The following SLC24A4 variants were observed in gnomAD, a reference collection of about 807,000 sequenced individuals.
The protein encoded by SLC24A4 is sodium/potassium/calcium exchanger 4.
Under a neutral mutation model 79.0 loss-of-function variants are expected in SLC24A4, and 53 were observed. The observed-to-expected ratio is 0.67, with a 90% confidence interval of 0.54 to 0.84. The LOEUF is 0.84. Ranked by LOEUF, SLC24A4 falls within the 40% of genes least tolerant of loss-of-function variation. The pLI is 0.00. For missense variants in SLC24A4, 731 were observed against 822.0 expected (o/e 0.89, Z 1.35); for synonymous variants, 323 against 323.8 (o/e 1.00, Z 0.03).
At chr14:92,429,739 C>G (rs993935636) in intron 2 of SLC24A4, among the ~76,000 whole-genome samples, 1 of 152,184 alleles carries the variant, frequency 6.6e-6, no homozygotes, top group Non-Finnish European at 1.5e-5. Flanking sequence ...GGCTTCCAAG[C>G]TGGGTTCTTC....
At chr14:92,348,982 G>A (rs552172130) in intron 2 of SLC24A4, among the ~76,000 whole-genome samples, 11 of 152,062 alleles carry the variant, frequency 7.2e-5, no homozygotes, top group African/African-American at 2.7e-4. Context: ...TTACCAGCTC[G>A]CAGGGAGGCA....
chr14:92,378,027 T>A (rs951601296), intron 2 of SLC24A4, among the ~76,000 whole-genome samples: 1 of 152,066 alleles, frequency 6.6e-6, no homozygotes, highest in Admixed American at 6.6e-5. Context: ...GGAGGGTTTG[T>A]CTAGCACGGG....
Position 92,491,857 on chromosome 14 carries a change from G to A in SLC24A4, c.1650+80G>A, listed in dbSNP as rs1157792016. ...GGCCCAGTTCCAGCCAGAGGCTCTAGGAGACGACCTCCTCCTCTCCTTGGC... is the reference window on the plus strand; with the variant it reads ...GGCCCAGTTCCAGCCAGAGGCTCTAAGAGACGACCTCCTCCTCTCCTTGGC... On this transcript the variant is annotated intron_variant, in intron 15 of 16. Transcript: ENST00000532405. 5.4e-6 allele frequency: 6 copies of A among 1,111,972 alleles called. No homozygotes were observed. In the African/African-American group the frequency reaches 6.1e-5, roughly 11 times the overall value. 68.9% of individuals were successfully genotyped at this position (1,111,972 alleles called of 1,614,324 possible).
chr14:92,397,657 G>C (rs977508402), intron 2 of SLC24A4, among the ~76,000 whole-genome samples: 1 of 152,198 alleles, frequency 6.6e-6, no homozygotes, highest in Non-Finnish European at 1.5e-5. Context: ...GATGTGGCCA[G>C]TGTGAGAGCA....
chr14:92,440,018 C>G (rs1029914443), intron 4 of SLC24A4, among the ~76,000 whole-genome samples: 1 of 152,184 alleles, frequency 6.6e-6, no homozygotes, highest in South Asian at 2.1e-4. Context: ...TGTGGAGTGC[C>G]CAGGGCTTTA....
intron 2 of SLC24A4, among the ~76,000 whole-genome samples, chr14:92,372,955 CT>C: frequency 1.4e-5 from 2 of 143,496 alleles, no homozygotes; most frequent in African/African-American, 2.6e-5. Context: ...CTCTCTCTCT[CT>C]CCCTCTCTCT....
At position 92,356,632 on chromosome 14, in the gene SLC24A4, C is replaced by T. The variant is rs1887194716; in HGVS notation, c.241+30654C>T. On this transcript the variant is annotated intron_variant, in intron 2 of 16. Transcript: ENST00000532405. ...GTTGTAAGGATTAGAGGAATTAATA[C>T]ATGTAAGTCACATGGCGCAGTGGCT... Among the ~76,000 whole-genome samples the T allele has an allele frequency of 2.0e-5, 3 of 152,212 alleles. No homozygotes were observed. The South Asian group carries it at 6.2e-4, about 32-fold the overall frequency.
intron 2 of SLC24A4, among the ~76,000 whole-genome samples, chr14:92,373,889 A>G (rs1304104386): frequency 6.6e-6 from 1 of 152,114 alleles, no homozygotes; most frequent in African/African-American, 2.4e-5. Context: ...ACAATTGTCA[A>G]CTTGTGGCCA....
chr14:92,400,417 G>A (rs1215910166), intron 2 of SLC24A4, among the ~76,000 whole-genome samples: 8 of 135,502 alleles, frequency 5.9e-5, no homozygotes, highest in Admixed American at 5.7e-4. Flanking sequence ...CCAGCCTGGC[G>A]ACAGAGCGAG....
At chr14:92,423,143 C>A (rs1465483235) in intron 2 of SLC24A4, among the ~76,000 whole-genome samples, 1 of 123,014 alleles carries the variant, frequency 8.1e-6, no homozygotes, top group Admixed American at 8.1e-5. Flanking sequence ...AATTTTATTT[C>A]ATTTCATTTT....
intron 2 of SLC24A4, among the ~76,000 whole-genome samples, chr14:92,346,284 C>G (rs1886522612): frequency 6.6e-6 from 1 of 152,198 alleles, no homozygotes; most frequent in South Asian, 2.1e-4. Context: ...AATATGAAAG[C>G]CTGTCACTCT....
chr14:92,371,797 G>A (rs948247359), intron 2 of SLC24A4, among the ~76,000 whole-genome samples: 1 of 152,250 alleles, frequency 6.6e-6, no homozygotes, highest in African/African-American at 2.4e-5. Context: ...GCAGAATAAA[G>A]ACATTTTGAG....
intron 2 of SLC24A4, among the ~76,000 whole-genome samples, chr14:92,352,915 G>A (rs1416065831): frequency 5.3e-5 from 8 of 152,218 alleles, no homozygotes. Context: ...TGTCATTCTA[G>A]TTGGGAACCC....
intron 2 of SLC24A4, among the ~76,000 whole-genome samples, chr14:92,432,526 G>T (rs1891931338): frequency 6.6e-6 from 1 of 152,148 alleles, no homozygotes; most frequent in African/African-American, 2.4e-5. Context: ...TAAGATCTTG[G>T]CCTCAACAAT....
intron 2 of SLC24A4, among the ~76,000 whole-genome samples, chr14:92,368,332 G>T (rs1887967074): frequency 6.6e-6 from 1 of 152,182 alleles, no homozygotes; most frequent in African/African-American, 2.4e-5. Context: ...TATAAGACGG[G>T]GGCTCCAGTA....
intron 2 of SLC24A4, among the ~76,000 whole-genome samples, chr14:92,407,368 G>A (rs752920834): frequency 1.3e-5 from 2 of 152,104 alleles, no homozygotes; most frequent in Non-Finnish European, 1.5e-5. Flanking sequence ...CTGTTCCAAC[G>A]TCTGCCCATT....
At position 92,412,255 on chromosome 14, in the gene SLC24A4, C is replaced by T. The variant is rs933711087; in HGVS notation, c.242-21657C>T. 9.9e-5 allele frequency among the ~76,000 whole-genome samples: 15 copies of T among 152,050 alleles called. No homozygotes were observed. In the South Asian group the frequency reaches 2.9e-3, roughly 29 times the overall value. ...GGGGCCAGGCACCCAGGCTCTTACC[C>T]GAAACGCATCTATAGTTGGTGGCCC... On this transcript the variant is annotated intron_variant, in intron 2 of 16. Transcript: ENST00000532405.
intron 12 of SLC24A4, among the ~76,000 whole-genome samples, chr14:92,470,435 T>C (rs1894377220): frequency 6.6e-6 from 1 of 152,208 alleles, no homozygotes; most frequent in Non-Finnish European, 1.5e-5. Flanking sequence ...TCCACATTAA[T>C]TTGCTTGAGG....
chr14:92,343,741 C>T (rs1395608563), intron 2 of SLC24A4, among the ~76,000 whole-genome samples: 1 of 148,894 alleles, frequency 6.7e-6, no homozygotes, highest in Non-Finnish European at 1.5e-5. Flanking sequence ...CTCACTCTGT[C>T]ACCCAGACTG....
Sources: gnomAD v4.1 joint callset for allele counts (sites outside exome capture counted in the v4.1 genomes callset) on GRCh38, gnomAD v4.1.1 for gene constraint, MANE v1.5 for transcripts, NCBI Gene and HGNC (gene_info 2026-07-23, HGNC 2026-07-21) for gene names.